Variants in NKAIN2 observed in about 807,000 individuals in gnomAD.
The protein encoded by NKAIN2 is sodium/potassium-transporting ATPase subunit beta-1-interacting protein 2.
NKAIN2 carries 14 observed loss-of-function variants against 32.6 expected under a neutral mutation model. That is an observed-to-expected ratio of 0.43 (90% CI 0.28 to 0.67). NKAIN2 has a LOEUF of 0.67. NKAIN2 is among the 30% of genes least tolerant of loss of function. NKAIN2 has a pLI of 0.17. For missense variants in NKAIN2, 198 were observed against 258.3 expected (o/e 0.77, Z 1.60); for synonymous variants, 80 against 87.2 (o/e 0.92, Z 0.46).
intron 3 of NKAIN2, among the ~76,000 whole-genome samples, chr6:124,380,004 A>G (rs1372054649): frequency 6.6e-6 from 1 of 152,150 alleles, no homozygotes; most frequent in Non-Finnish European, 1.5e-5. Context: ...CTTTTCATTT[A>G]TATACCCTTT....
chr6:124,504,747 A>T (rs1322600429), intron 3 of NKAIN2, among the ~76,000 whole-genome samples: 1 of 152,246 alleles, frequency 6.6e-6, no homozygotes, highest in East Asian at 1.9e-4. Context: ...TAGATCTTTT[A>T]TACTGGGTTT....
chr6:124,709,250 A>C (rs1429326686), intron 4 of NKAIN2, among the ~76,000 whole-genome samples: 1 of 149,208 alleles, frequency 6.7e-6, no homozygotes, highest in African/African-American at 2.5e-5. Context: ...CCAGTATTTT[A>C]TTGAGGATTT....
chr6:124,515,361 G>T (rs1225829540), intron 3 of NKAIN2, among the ~76,000 whole-genome samples: 1 of 152,010 alleles, frequency 6.6e-6, no homozygotes, highest in African/African-American at 2.4e-5. Flanking sequence ...CATGGCAGAA[G>T]GTGAAGGGGA....
At chr6:124,395,803 CT>C (rs1213598416) in intron 3 of NKAIN2, among the ~76,000 whole-genome samples, 1 of 151,814 alleles carries the variant, frequency 6.6e-6, no homozygotes, top group Non-Finnish European at 1.5e-5. Flanking sequence ...GCTGAAATTG[CT>C]TTATAGGAAA....
chr6:124,209,120 C>T (rs976722056), intron 1 of NKAIN2, among the ~76,000 whole-genome samples: 2 of 151,402 alleles, frequency 1.3e-5, no homozygotes, highest in Non-Finnish European at 1.5e-5. Context: ...ATACCCGCCT[C>T]GCCGCTACTC....
chr6:124,810,051 C>T (rs868629630), intron 5 of NKAIN2, among the ~76,000 whole-genome samples: 3 of 152,174 alleles, frequency 2.0e-5, no homozygotes, highest in African/African-American at 4.8e-5. Context: ...TAAACTAGTT[C>T]AACCATTGTG....
intron 3 of NKAIN2, among the ~76,000 whole-genome samples, chr6:124,442,026 C>T (rs1404096181): frequency 6.6e-6 from 1 of 151,992 alleles, no homozygotes; most frequent in Non-Finnish European, 1.5e-5. Context: ...GTCGTGTTGG[C>T]AGGTGCTTCT....
chr6:124,660,224 A>AT (rs1784697377), intron 4 of NKAIN2, among the ~76,000 whole-genome samples: 2 of 152,158 alleles, frequency 1.3e-5, no homozygotes, highest in Non-Finnish European at 2.9e-5. Flanking sequence ...ATTTTGGAAA[A>AT]TTTCCACCTA....
intron 1 of NKAIN2, among the ~76,000 whole-genome samples, chr6:123,993,292 A>T (rs977775814): frequency 6.6e-6 from 1 of 152,200 alleles, no homozygotes; most frequent in Non-Finnish European, 1.5e-5. Context: ...TAGCTGGAGA[A>T]TGAAACTCAT....
intron 1 of NKAIN2, among the ~76,000 whole-genome samples, chr6:124,169,133 G>T (rs552482919): frequency 6.6e-6 from 1 of 152,134 alleles, no homozygotes; most frequent in South Asian, 2.1e-4. Flanking sequence ...AAATTTTGAT[G>T]TTTATTATCC....
In NKAIN2 at chr6:124,751,812, CAATA is replaced by C. The variant is rs10665653; in HGVS notation, c.475-39490_475-39487del. On this transcript the variant is annotated intron_variant, in intron 4 of 6. Transcript: ENST00000368417. Reference sequence around the variant, plus strand: ...TGGGTAACATAGTGAGACCCCATCTCAATAAATAAATAAATAAATAAATAAATAA... The same window carrying C: ...TGGGTAACATAGTGAGACCCCATCTCAATAAATAAATAAATAAATAAATAA... Among the ~76,000 whole-genome samples the C allele has an allele frequency of 2.0e-3, 270 of 134,116 alleles. 2 individuals are homozygous for C. Among genetic ancestry groups the C allele is most frequent in the African/African-American group, 5.3e-3 (190 of 35,836 alleles). The allele number at this position is 134,116 out of a possible 152,430, so 88.0% of individuals were successfully genotyped here.
chr6:124,708,873 A>G (rs1401072896), intron 4 of NKAIN2, among the ~76,000 whole-genome samples: 3 of 143,950 alleles, frequency 2.1e-5, no homozygotes, highest in African/African-American at 7.9e-5. Flanking sequence ...TTCCAACACT[A>G]TGTTGAATAG....
At chr6:124,534,621 G>A (rs751468100) in intron 3 of NKAIN2, among the ~76,000 whole-genome samples, 13 of 152,198 alleles carry the variant, frequency 8.5e-5, no homozygotes, top group Non-Finnish European at 1.5e-4. Context: ...ATCCAAGGAA[G>A]CAAACTTTGG....
At chr6:124,639,101 A>C (rs1000112255) in intron 3 of NKAIN2, among the ~76,000 whole-genome samples, 1 of 152,120 alleles carries the variant, frequency 6.6e-6, no homozygotes, top group African/African-American at 2.4e-5. Context: ...GAGGATTCAA[A>C]GAAAAAGGAA....
At chr6:124,288,996 G>C (rs1389741355) in intron 2 of NKAIN2, among the ~76,000 whole-genome samples, 1 of 152,056 alleles carries the variant, frequency 6.6e-6, no homozygotes, top group Non-Finnish European at 1.5e-5. Flanking sequence ...AGCAAGAGAT[G>C]AAATTAATGT....
intron 3 of NKAIN2, chr6:124,490,412 G>GTTTTTT (rs3052658): frequency 6.0e-4 from 188 of 312,602 alleles, no homozygotes; most frequent in Admixed American, 1.4e-3. Flanking sequence ...AATCATAGAG[G>GTTTTTT]TTTTTTTTTT....
At chr6:124,554,354 C>T (rs758046311) in intron 3 of NKAIN2, among the ~76,000 whole-genome samples, 5 of 152,174 alleles carry the variant, frequency 3.3e-5, no homozygotes, top group Admixed American at 6.5e-5. Flanking sequence ...TAAGCCAAAA[C>T]CTTTTCTATT....
intron 3 of NKAIN2, among the ~76,000 whole-genome samples, chr6:124,654,805 A>T (rs1220187617): frequency 6.6e-6 from 1 of 152,164 alleles, no homozygotes; most frequent in Non-Finnish European, 1.5e-5. Flanking sequence ...CAGAATGCCA[A>T]ATATTACCAG....
chr6:124,131,114 G>A (rs1317669337), intron 1 of NKAIN2, among the ~76,000 whole-genome samples: 1 of 152,086 alleles, frequency 6.6e-6, no homozygotes, highest in Non-Finnish European at 1.5e-5. Flanking sequence ...TACCCTCCAC[G>A]AGAAACTTCT....
Sources: gnomAD v4.1 joint callset for allele counts (sites outside exome capture counted in the v4.1 genomes callset) on GRCh38, gnomAD v4.1.1 for gene constraint, MANE v1.5 for transcripts, NCBI Gene and HGNC (gene_info 2026-07-23, HGNC 2026-07-21) for gene names.